The following CRB1 variants were observed in gnomAD, a reference collection of about 807,000 sequenced individuals.
CRB1 encodes protein crumbs homolog 1.
In CRB1, 83 loss-of-function variants were observed where a neutral mutation model predicts 120.0. That is an observed-to-expected ratio of 0.69 (90% CI 0.58 to 0.83). The LOEUF is 0.83. CRB1 is among the 40% of genes least tolerant of loss of function. The probability of loss-of-function intolerance (pLI) is 0.00; values close to 1 mark genes in which losing one functional copy is unlikely to be tolerated. For synonymous variants in CRB1, 625 were observed against 612.5 expected (o/e 1.02, Z -0.30); for missense variants, 1,699 against 1,687.6 (o/e 1.01, Z -0.12).
At chr1:197,457,001 T>C (rs1666312927) in intron 11 of CRB1, among the ~76,000 whole-genome samples, 1 of 152,040 alleles carries the variant, frequency 6.6e-6, no homozygotes, top group Admixed American at 6.6e-5. Flanking sequence ...CCAGTAAGAG[T>C]TGACCACTGC....
chr1:197,351,308 C>T (rs373727790), intron 4 of CRB1, among the ~76,000 whole-genome samples: 3 of 141,738 alleles, frequency 2.1e-5, no homozygotes, highest in Non-Finnish European at 4.5e-5. Context: ...TGCAGTGAGC[C>T]GAGATCGCGC....
intron 11 of CRB1, among the ~76,000 whole-genome samples, chr1:197,477,126 G>A (rs1313420901): frequency 6.6e-6 from 1 of 152,196 alleles, no homozygotes; most frequent in East Asian, 1.9e-4. Context: ...GAATCAGAGT[G>A]ATTCCTTTGG....
chr1:197,217,712 G>A, the CRB1 span, among the ~76,000 whole-genome samples: 1 of 152,016 alleles, frequency 6.6e-6, no homozygotes, highest in Non-Finnish European at 1.5e-5. Flanking sequence ...TTTTTTGGAG[G>A]TGATGAAACT....
chr1:197,434,782 C>T lies in CRB1; in HGVS notation c.2919C>T (p.Leu973=), dbSNP rs777061181. 2 of 1,613,426 alleles carry T rather than the reference C, an allele frequency of 1.2e-6. No individual in the cohort carries two copies. The highest frequency in any genetic ancestry group is 3.3e-5 in the Admixed American group (2 of 59,952). The change falls in exon 9 of 12, where the codon CTC becomes CTT. Residue 973 remains leucine, a synonymous_variant. Coordinates refer to ENST00000367400, the MANE Select transcript of CRB1 (RefSeq NM_201253.3). The part of the protein sequence containing the change: ...FRSNGNITRE[L]TNITFGFRTR... Reference sequence around the variant, plus strand: ...GCAATGGGAATATTACCAGAGAACTCACCAATATCACATTTGGTTTCAGAA... The same window carrying T: ...GCAATGGGAATATTACCAGAGAACTTACCAATATCACATTTGGTTTCAGAA...
chr1:197,227,765 C>A, the CRB1 span, among the ~76,000 whole-genome samples: 1 of 152,116 alleles, frequency 6.6e-6, no homozygotes, highest in Non-Finnish European at 1.5e-5. Flanking sequence ...TGTGGGGGCT[C>A]CAACCCCACA....
intron 5 of CRB1, among the ~76,000 whole-genome samples, chr1:197,396,905 T>C (rs576539613): frequency 4.0e-4 from 61 of 152,210 alleles, no homozygotes; most frequent in Admixed American, 1.7e-3. Flanking sequence ...TTTAAAATTA[T>C]ACCTAAAAAA....
At chr1:197,457,333 T>C (rs1012710658) in intron 11 of CRB1, among the ~76,000 whole-genome samples, 4 of 152,116 alleles carry the variant, frequency 2.6e-5, no homozygotes, top group Non-Finnish European at 4.4e-5. Context: ...AAGAGTTAAG[T>C]AATATTATTT....
chr1:197,351,969 A>C (rs1030234598), intron 4 of CRB1, among the ~76,000 whole-genome samples: 4 of 152,202 alleles, frequency 2.6e-5, no homozygotes, highest in African/African-American at 9.6e-5. Context: ...TCAGCTCATG[A>C]CTTCACTGCC....
intron 1 of CRB1, among the ~76,000 whole-genome samples, chr1:197,272,794 G>A (rs901075772): frequency 2.6e-5 from 4 of 151,976 alleles, no homozygotes; most frequent in Non-Finnish European, 5.9e-5. Flanking sequence ...GAGGCACAGG[G>A]GACTTTTAGA....
the CRB1 span, among the ~76,000 whole-genome samples, chr1:197,225,604 G>A: frequency 6.6e-6 from 1 of 152,326 alleles, no homozygotes; most frequent in Non-Finnish European, 1.5e-5. Context: ...CTTCCAGGGA[G>A]TCTCCTCAAA....
intron 11 of CRB1, chr1:197,444,577 G>A (rs893262263): frequency 6.6e-6 from 1 of 152,128 alleles, no homozygotes; most frequent in African/African-American, 2.4e-5. Flanking sequence ...AATGTAATAT[G>A]TTCTCTACCA....
chr1:197,345,166 T>C (rs1288656332), intron 3 of CRB1, among the ~76,000 whole-genome samples: 2 of 152,230 alleles, frequency 1.3e-5, no homozygotes, highest in Admixed American at 6.5e-5. Context: ...AAGAACTTTC[T>C]AATCTTTATT....
intron 5 of CRB1, among the ~76,000 whole-genome samples, chr1:197,382,303 A>G (rs1661996687): frequency 6.6e-6 from 1 of 152,166 alleles, no homozygotes; most frequent in Admixed American, 6.5e-5. Flanking sequence ...ATATCCCCCT[A>G]GAGGGCAGGT....
intron 5 of CRB1, among the ~76,000 whole-genome samples, chr1:197,398,490 T>G (rs1032548471): frequency 1.3e-5 from 2 of 151,928 alleles, no homozygotes; most frequent in Non-Finnish European, 2.9e-5. Context: ...GATATCCAAA[T>G]AGTAGGGCTT....
chr1:197,333,204 C>G (rs1326915135), intron 2 of CRB1, among the ~76,000 whole-genome samples: 1 of 152,214 alleles, frequency 6.6e-6, no homozygotes, highest in Non-Finnish European at 1.5e-5. Flanking sequence ...AGGGTTCACA[C>G]TGCGTGAATT....
upstream of CRB1, among the ~76,000 whole-genome samples, chr1:197,263,974 C>T (rs1449104735): frequency 1.3e-5 from 2 of 151,366 alleles, no homozygotes; most frequent in Non-Finnish European, 2.9e-5. Flanking sequence ...TCTTTTATCT[C>T]TTAAAATTTT....
chr1:197,221,740 T>A, the CRB1 span, among the ~76,000 whole-genome samples: 1 of 152,170 alleles, frequency 6.6e-6, no homozygotes, highest in Non-Finnish European at 1.5e-5. Context: ...CTGTTTTGAA[T>A]CACTATAAAA....
At chr1:197,209,540 G>A in the CRB1 span, among the ~76,000 whole-genome samples, 4 of 151,978 alleles carry the variant, frequency 2.6e-5, no homozygotes, top group African/African-American at 9.7e-5. Flanking sequence ...TAAGGACAGG[G>A]TTTCCCCATG....
At chr1:197,442,633 A>G (rs1665510028) in intron 11 of CRB1, 1 of 943,432 alleles carries the variant, frequency 1.1e-6, no homozygotes, top group Non-Finnish European at 1.5e-6. Context: ...TGTTCTTAAT[A>G]TAACTAGAAA....
Sources: allele counts gnomAD v4.1 joint callset (sites outside exome capture counted in the v4.1 genomes callset), GRCh38; gene constraint gnomAD v4.1.1; transcripts MANE v1.5; gene names NCBI Gene and HGNC (gene_info 2026-07-23, HGNC 2026-07-21).